SCHIP1: variants seen among roughly 807,000 people sequenced by gnomAD.
The protein encoded by SCHIP1 is schwannomin interacting protein 1, also known as schwannomin-interacting protein 1.
SCHIP1 carries 8 observed loss-of-function variants against 29.7 expected under a neutral mutation model. That is an observed-to-expected ratio of 0.27 (90% CI 0.16 to 0.49). The LOEUF is 0.49. SCHIP1 is among the 20% of genes least tolerant of loss of function. The pLI, the probability that SCHIP1 is intolerant of heterozygous loss-of-function variation, is 0.99. For missense variants in SCHIP1, 193 were observed against 294.6 expected (o/e 0.66, Z 2.52); for synonymous variants, 76 against 94.9 (o/e 0.80, Z 1.16).
chr3:159,537,128 G>A, the SCHIP1 span, among the ~76,000 whole-genome samples: 1 of 152,114 alleles, frequency 6.6e-6, no homozygotes. Flanking sequence ...CAGGATATTA[G>A]GCAGCTATAA....
chr3:159,349,849 C>G, the SCHIP1 span, among the ~76,000 whole-genome samples: 3 of 152,176 alleles, frequency 2.0e-5, no homozygotes, highest in African/African-American at 7.2e-5. Context: ...CCAGTTTGAA[C>G]TTTCTAGAAA....
chr3:159,403,318 T>G, the SCHIP1 span, among the ~76,000 whole-genome samples: 3 of 152,030 alleles, frequency 2.0e-5, no homozygotes, highest in Admixed American at 1.3e-4. Context: ...ATCACCTTCA[T>G]AAGAACAAAA....
At chr3:159,521,078 A>G in the SCHIP1 span, among the ~76,000 whole-genome samples, 1 of 152,220 alleles carries the variant, frequency 6.6e-6, no homozygotes, top group African/African-American at 2.4e-5. Context: ...TGCTTTCTGT[A>G]AAAGTTATTC....
the SCHIP1 span, among the ~76,000 whole-genome samples, chr3:159,502,341 A>G: frequency 2.0e-5 from 3 of 152,268 alleles, no homozygotes; most frequent in African/African-American, 7.2e-5. Context: ...TGTCTGGCAC[A>G]TTGTTTACAT....
chr3:159,602,674 A>C, the SCHIP1 span, among the ~76,000 whole-genome samples: 1 of 151,454 alleles, frequency 6.6e-6, no homozygotes, highest in African/African-American at 2.4e-5. Flanking sequence ...GCACCACTGC[A>C]CTCTAGCCTG....
At chr3:159,432,339 TGAGAGAGAGAGA>T in the SCHIP1 span, among the ~76,000 whole-genome samples, 3 of 69,310 alleles carry the variant, frequency 4.3e-5, no homozygotes, top group Non-Finnish European at 9.7e-5. Context: ...TGTGTGTGTG[TGAGAGAGAGAGA>T]GAGAGAGAGA....
chr3:159,294,801 G>A, the SCHIP1 span, among the ~76,000 whole-genome samples: 1 of 152,138 alleles, frequency 6.6e-6, no homozygotes, highest in Non-Finnish European at 1.5e-5. Flanking sequence ...AAACTACATT[G>A]AAGGGCTGGG....
At chr3:159,668,164 T>C in the SCHIP1 span, among the ~76,000 whole-genome samples, 3 of 151,694 alleles carry the variant, frequency 2.0e-5, no homozygotes, top group African/African-American at 7.3e-5. Flanking sequence ...GGTCAGGAGA[T>C]TGAGACCATC....
the SCHIP1 span, among the ~76,000 whole-genome samples, chr3:159,436,145 A>C: frequency 1.3e-5 from 2 of 152,166 alleles, no homozygotes; most frequent in African/African-American, 2.4e-5. Flanking sequence ...TGATTTAATC[A>C]GCATTGGTAT....
the SCHIP1 span, among the ~76,000 whole-genome samples, chr3:159,516,383 G>A: frequency 6.6e-6 from 1 of 152,074 alleles, no homozygotes; most frequent in Non-Finnish European, 1.5e-5. Context: ...TGATACCTCA[G>A]TGTACTTTGA....
intron 1 of SCHIP1, among the ~76,000 whole-genome samples, chr3:159,853,967 T>C (rs1713006725): frequency 7.7e-6 from 1 of 130,642 alleles, no homozygotes; most frequent in African/African-American, 2.8e-5. Flanking sequence ...TTTGAGAATG[T>C]TTTATATGGT....
intron 1 of SCHIP1, chr3:159,840,268 C>A: frequency 6.9e-7 from 1 of 1,446,652 alleles, no homozygotes; most frequent in Non-Finnish European, 9.4e-7. Flanking sequence ...AGGAGGCCTT[C>A]CTCTTCCAAA....
At chr3:159,883,985 T>C (rs1458577629) in intron 2 of SCHIP1, among the ~76,000 whole-genome samples, 1 of 152,216 alleles carries the variant, frequency 6.6e-6, no homozygotes, top group East Asian at 1.9e-4. Context: ...AAAATACATA[T>C]ATCTGGACAT....
chr3:159,442,629 A>G, the SCHIP1 span, among the ~76,000 whole-genome samples: 1 of 152,178 alleles, frequency 6.6e-6, no homozygotes, highest in South Asian at 2.1e-4. Context: ...GAAACTATCT[A>G]CACTTTCAGA....
chr3:159,707,478 C>T, the SCHIP1 span, among the ~76,000 whole-genome samples: 52 of 152,102 alleles, frequency 3.4e-4, no homozygotes, highest in Non-Finnish European at 6.6e-4. Flanking sequence ...GTTTATTAAA[C>T]TTTAGTGATA....
At chr3:159,410,108 A>T in the SCHIP1 span, among the ~76,000 whole-genome samples, 1 of 152,174 alleles carries the variant, frequency 6.6e-6, no homozygotes, top group Non-Finnish European at 1.5e-5. Flanking sequence ...ATCTCTCACC[A>T]TATACAACAA....
chr3:159,309,532 C>T, the SCHIP1 span, among the ~76,000 whole-genome samples: 2 of 152,078 alleles, frequency 1.3e-5, no homozygotes, highest in Non-Finnish European at 2.9e-5. Flanking sequence ...CAGAATCATG[C>T]CCATCTGATG....
At chr3:159,436,833 C>T in the SCHIP1 span, among the ~76,000 whole-genome samples, 1 of 151,998 alleles carries the variant, frequency 6.6e-6, no homozygotes, top group Admixed American at 6.6e-5. Context: ...GCCTCCTGGT[C>T]TGTGAATATG....
the SCHIP1 span, among the ~76,000 whole-genome samples, chr3:159,698,707 C>T: frequency 2.6e-5 from 4 of 151,996 alleles, no homozygotes; most frequent in Non-Finnish European, 5.9e-5. Flanking sequence ...GGCATGGTCT[C>T]GGCTCACTGC....
Sources: allele counts gnomAD v4.1 joint callset (sites outside exome capture counted in the v4.1 genomes callset), GRCh38; gene constraint gnomAD v4.1.1; transcripts MANE v1.5; gene names NCBI Gene and HGNC (gene_info 2026-07-23, HGNC 2026-07-21).